ZNF346: variants seen among roughly 807,000 people sequenced by gnomAD.
The protein encoded by ZNF346 is double-stranded RNA-binding zinc finger protein JAZ.
In ZNF346, 23 loss-of-function variants were observed where a neutral mutation model predicts 33.7. The observed-to-expected ratio is 0.68, with a 90% confidence interval of 0.49 to 0.97. The LOEUF is 0.97. Ranked by LOEUF, ZNF346 falls within the 50% of genes least tolerant of loss-of-function variation. ZNF346 has a pLI of 0.00. For synonymous variants in ZNF346, 134 were observed against 142.4 expected (o/e 0.94, Z 0.42); for missense variants, 340 against 371.1 (o/e 0.92, Z 0.69).
chr5:177,030,771 A>G (rs1049831200), intron 1 of ZNF346, among the ~76,000 whole-genome samples: 3 of 152,108 alleles, frequency 2.0e-5, no homozygotes, highest in Admixed American at 2.0e-4. Flanking sequence ...AAGAAACCCT[A>G]TACCTAGGAG....
At chr5:177,026,735 T>C (rs1308865008) in intron 1 of ZNF346, among the ~76,000 whole-genome samples, 1 of 152,198 alleles carries the variant, frequency 6.6e-6, no homozygotes, top group Non-Finnish European at 1.5e-5. Flanking sequence ...AAAATATGAT[T>C]TGAAGAGTTT....
intron 5 of ZNF346, among the ~76,000 whole-genome samples, chr5:177,053,220 G>T (rs1338930290): frequency 1.3e-5 from 2 of 150,058 alleles, no homozygotes; most frequent in Non-Finnish European, 2.9e-5. Flanking sequence ...GGAGGCTGAG[G>T]CAGGAGAATT....
At chr5:177,031,998 C>CTTTTTTTTTTTTTTTTTTTTTTTTTT (rs34021834) in intron 1 of ZNF346, among the ~76,000 whole-genome samples, 2 of 67,838 alleles carry the variant, frequency 2.9e-5, no homozygotes, top group Non-Finnish European at 5.9e-5. Flanking sequence ...TTTCTTTTTT[C>CTTTTTTTTTTTTTTTTTTTTTTTTTT]TTTTTTTTTT....
intron 5 of ZNF346, chr5:177,052,691 A>G (rs917063283): frequency 6.6e-6 from 1 of 152,124 alleles, no homozygotes; most frequent in African/African-American, 2.4e-5. Flanking sequence ...TGCCTCCCCC[A>G]TTCTTTGGTT....
intron 8 of ZNF346, among the ~76,000 whole-genome samples, chr5:177,074,922 C>T (rs1481036699): frequency 2.0e-5 from 3 of 151,286 alleles, no homozygotes; most frequent in African/African-American, 4.9e-5. Context: ...AAAATTTAGC[C>T]GGGCATGGTG....
chr5:177,028,479 T>C (rs1777143572), intron 1 of ZNF346, among the ~76,000 whole-genome samples: 1 of 135,718 alleles, frequency 7.4e-6, no homozygotes, highest in South Asian at 2.3e-4. Context: ...ATTTCTCTCT[T>C]AAGCACTTGT....
At chr5:177,062,000 A>G (rs1782608428) in intron 5 of ZNF346, 58 bp from the exon 6 acceptor site, 10 of 1,472,802 alleles carry the variant, frequency 6.8e-6, no homozygotes, top group Non-Finnish European at 9.5e-6. Flanking sequence ...CTGAAAAGCA[A>G]CGGTCTTCAG....
rs59380094 is a variant in ZNF346, at chr5:177,026,352, ATTTTTTTTTTTTT to A, written c.175+3452_175+3464del. ...GGAGTTTGTGAAGGATGGATTGGTA[ATTTTTTTTTTTTT>A]TTTTTTTTTTTTGAGACAGAATCCC... On this transcript the variant is annotated intron_variant, in intron 1 of 6. Transcript: ENST00000358149. 3.2e-3 allele frequency among the ~76,000 whole-genome samples: 327 copies of A among 101,940 alleles called. 2 individuals carry two copies. The highest frequency in any genetic ancestry group is 0.013 in the African/African-American group (310 of 23,610). The allele number at this position is 101,940 out of a possible 152,430, so 66.9% of individuals were successfully genotyped here.
intron 1 of ZNF346, among the ~76,000 whole-genome samples, chr5:177,032,042 T>C (rs1777807783): frequency 6.8e-6 from 1 of 146,270 alleles, no homozygotes; most frequent in Admixed American, 6.8e-5. Context: ...ATTTTCACTC[T>C]TGTTGCCCAG....
At chr5:177,049,117 A>G (rs1433115252) in intron 4 of ZNF346, among the ~76,000 whole-genome samples, 1 of 152,108 alleles carries the variant, frequency 6.6e-6, no homozygotes, top group Non-Finnish European at 1.5e-5. Flanking sequence ...TCAACACCAC[A>G]AACAGAATAT....
chr5:177,065,882 T>TGTGTGTGTGTGTGTG lies in ZNF346; in HGVS notation c.*1283_*1284insGTGTGTGTGTGTGTG, dbSNP rs1562041922. On this transcript the variant is annotated 3_prime_UTR_variant, in exon 7 of 7. Coordinates refer to ENST00000358149, the MANE Select transcript of ZNF346 (RefSeq NM_012279.4). ...GATGTGTGTGTGTGTGTGTGTGTGT[T>TGTGTGTGTGTGTGTG]TGTGTGTATGTGTGTGCTTCTGTGT... The TGTGTGTGTGTGTGTG allele has an allele frequency of 7.2e-6, 1 of 139,506 alleles. No individual in the cohort carries two copies. Among genetic ancestry groups the TGTGTGTGTGTGTGTG allele is most frequent in the African/African-American group, 3.0e-5 (1 of 32,912 alleles). 8.6% of individuals were successfully genotyped at this position (139,506 alleles called of 1,614,324 possible). A position where few individuals can be genotyped will look rare whatever the true frequency, so the allele number is the denominator to read the frequency against.
intron 1 of ZNF346, among the ~76,000 whole-genome samples, chr5:177,028,676 C>G (rs1777216154): frequency 7.3e-6 from 1 of 137,790 alleles, no homozygotes; most frequent in Non-Finnish European, 1.6e-5. Flanking sequence ...AGGTGAAAAA[C>G]AGACTTTTGT....
At chr5:177,024,493 C>T (rs114843539) in intron 1 of ZNF346, among the ~76,000 whole-genome samples, 5 of 152,260 alleles carry the variant, frequency 3.3e-5, no homozygotes, top group African/African-American at 4.8e-5. Flanking sequence ...CCACCGCACC[C>T]GGCTCTCCTA....
Position 177,067,030 on chromosome 5 carries a change from T to C in ZNF346, c.*2431T>C, listed in dbSNP as rs1432884626. Among the ~76,000 whole-genome samples the C allele has an allele frequency of 6.6e-6, 1 of 152,130 alleles. No homozygotes were observed. The highest frequency in any genetic ancestry group is 1.5e-5 in the Non-Finnish European group (1 of 68,026). ...TTGAGCCAAGATCGTGCCACTGCAC[T>C]CCAGCCTAGGTGACAGAGTGAGACT... On this transcript the variant is annotated 3_prime_UTR_variant, in exon 7 of 7. Coordinates refer to ENST00000358149, the MANE Select transcript of ZNF346 (RefSeq NM_012279.4).
In ZNF346 at chr5:177,041,160, C is replaced by T; in HGVS notation, c.210C>T (p.Phe70=). The T allele has an allele frequency of 6.2e-7, 1 of 1,614,190 alleles. No individual in the cohort carries two copies. The highest frequency in any genetic ancestry group is 8.5e-7 in the Non-Finnish European group (1 of 1,180,020). ...EHMIQKNQCL[F]TNTQCKVCCA... ...TGATCCAGAAGAACCAATGTCTCTT[C>T]ACCAACACCCAGTGTAAGGTTTGCT... The change falls in exon 2 of 7, where the codon TTC becomes TTT. Residue 70 remains phenylalanine, a synonymous_variant. Transcript: ENST00000358149.
At chr5:177,072,107 C>T (rs1403858858), downstream of ZNF346, among the ~76,000 whole-genome samples, 1 of 152,192 alleles carries the variant, frequency 6.6e-6, no homozygotes, top group East Asian at 1.9e-4. Context: ...GGTGACTTCA[C>T]GAGCCCCTGT....
At chr5:177,068,510 C>T (rs1346939517), downstream of ZNF346, among the ~76,000 whole-genome samples, 1 of 143,806 alleles carries the variant, frequency 7.0e-6, no homozygotes, top group African/African-American at 2.9e-5. Flanking sequence ...ACTGGCAGCC[C>T]CAGGCTTCTA....
chr5:177,074,389 T>C (rs1220853646), intron 8 of ZNF346, among the ~76,000 whole-genome samples: 1 of 152,212 alleles, frequency 6.6e-6, no homozygotes, highest in East Asian at 1.9e-4. Flanking sequence ...TTAGTGGCCT[T>C]CTTTGTCACT....
At position 177,064,529 on chromosome 5, in the gene ZNF346, C is replaced by T; in HGVS notation, c.815C>T (p.Ala272Val). The T allele has an allele frequency of 6.2e-7, 1 of 1,614,146 alleles. No individual in the cohort carries two copies. Among genetic ancestry groups the T allele is most frequent in the Non-Finnish European group, 8.5e-7 (1 of 1,179,946 alleles). ...AAATACAGGTCACCAAAAACAGTGG[C>T]ATCATCCCTGGGCCAGATTCCAATG... ...KHKNQSPKTV[A>V]SSLGQIPMQR... Residue 272 changes from alanine to valine, a missense_variant, in exon 7 of 7, where the codon GCA becomes GTA. Transcript: ENST00000358149.
Sources: allele counts gnomAD v4.1 joint callset (sites outside exome capture counted in the v4.1 genomes callset), GRCh38; gene constraint gnomAD v4.1.1; transcripts MANE v1.5; gene names NCBI Gene and HGNC (gene_info 2026-07-23, HGNC 2026-07-21).